SGCZ: variants seen among roughly 807,000 people sequenced by gnomAD.
SGCZ encodes zeta-sarcoglycan.
Under a neutral mutation model 41.3 loss-of-function variants are expected in SGCZ, and 40 were observed. The observed-to-expected ratio is 0.97, with a 90% CI of 0.75 to 1.26. The LOEUF is 1.26. Among genes scored for constraint, SGCZ ranks in the 50% most tolerant of loss-of-function variants. SGCZ has a pLI of 0.00. For synonymous variants in SGCZ, 206 were observed against 137.5 expected (o/e 1.50, Z -3.49); for missense variants, 552 against 369.8 (o/e 1.49, Z -4.04).
intron 1 of SGCZ, among the ~76,000 whole-genome samples, chr8:14,909,879 T>C (rs1799232550): frequency 6.6e-6 from 1 of 152,124 alleles, no homozygotes; most frequent in East Asian, 1.9e-4. Context: ...TGTAGCTATA[T>C]AGTGGAAACT....
intron 1 of SGCZ, among the ~76,000 whole-genome samples, chr8:14,823,400 C>G (rs1802180875): frequency 6.6e-6 from 1 of 151,902 alleles, no homozygotes; most frequent in Non-Finnish European, 1.5e-5. Flanking sequence ...ATAAATAATT[C>G]AATTAACAAA....
intron 1 of SGCZ, among the ~76,000 whole-genome samples, chr8:14,935,757 A>G (rs1243591207): frequency 6.6e-6 from 1 of 151,906 alleles, no homozygotes; most frequent in Non-Finnish European, 1.5e-5. Flanking sequence ...CAATAACTAT[A>G]AATTAACTGA....
At chr8:14,939,495 C>A (rs1800195658) in intron 1 of SGCZ, among the ~76,000 whole-genome samples, 1 of 152,074 alleles carries the variant, frequency 6.6e-6, no homozygotes. Flanking sequence ...ATCAGGCAGA[C>A]AACTTTTTAT....
At chr8:14,130,017 T>G (rs1158481644) in intron 5 of SGCZ, among the ~76,000 whole-genome samples, 1 of 152,112 alleles carries the variant, frequency 6.6e-6, no homozygotes, top group African/African-American at 2.4e-5. Context: ...TGATTATCAG[T>G]CAAAATAATC....
intron 1 of SGCZ, among the ~76,000 whole-genome samples, chr8:14,864,611 T>C (rs1803862994): frequency 6.6e-6 from 1 of 152,106 alleles, no homozygotes; most frequent in African/African-American, 2.4e-5. Context: ...GGTTTTTAAA[T>C]TAAAGTCAGA....
intron 1 of SGCZ, among the ~76,000 whole-genome samples, chr8:14,799,473 G>A (rs1322185936): frequency 6.6e-6 from 1 of 152,082 alleles, no homozygotes; most frequent in Non-Finnish European, 1.5e-5. Context: ...GACCTCTGGT[G>A]AAAGAAAGAT....
chr8:14,720,054 G>C (rs1809829895), intron 1 of SGCZ, among the ~76,000 whole-genome samples: 1 of 151,954 alleles, frequency 6.6e-6, no homozygotes, highest in Non-Finnish European at 1.5e-5. Context: ...AAGGGATCCA[G>C]TTTCAGCTTT....
intron 2 of SGCZ, among the ~76,000 whole-genome samples, chr8:14,447,142 T>G (rs1800455863): frequency 6.6e-6 from 1 of 152,112 alleles, no homozygotes; most frequent in Non-Finnish European, 1.5e-5. Context: ...GGCCAAACAA[T>G]TTTCAAAGCA....
intron 2 of SGCZ, among the ~76,000 whole-genome samples, chr8:14,540,596 T>C (rs978413923): frequency 1.3e-5 from 2 of 151,936 alleles, no homozygotes; most frequent in African/African-American, 4.8e-5. Flanking sequence ...TAGCTATATT[T>C]TAGTGTATGC....
chr8:14,134,700 C>A (rs151091094), intron 5 of SGCZ, among the ~76,000 whole-genome samples: 1 of 152,222 alleles, frequency 6.6e-6, no homozygotes, highest in African/African-American at 2.4e-5. Flanking sequence ...TGTTAGCTCT[C>A]AGCCTATCTG....
chr8:14,288,026 T>C (rs1160772807), intron 3 of SGCZ, among the ~76,000 whole-genome samples: 1 of 152,130 alleles, frequency 6.6e-6, no homozygotes, highest in Non-Finnish European at 1.5e-5. Context: ...TAAATTTGTA[T>C]GCCCTTTGGA....
At chr8:14,755,733 G>T (rs1345236277) in intron 1 of SGCZ, among the ~76,000 whole-genome samples, 1 of 152,090 alleles carries the variant, frequency 6.6e-6, no homozygotes, top group Non-Finnish European at 1.5e-5. Context: ...GCTGTGCTAA[G>T]TGCCCTGATT....
chr8:14,356,384 C>T (rs1803293219), intron 2 of SGCZ, among the ~76,000 whole-genome samples: 1 of 151,928 alleles, frequency 6.6e-6, no homozygotes, highest in African/African-American at 2.4e-5. Flanking sequence ...TATGACCTAC[C>T]AAAAATTCCT....
chr8:14,805,928 A>C (rs1448624226), intron 1 of SGCZ, among the ~76,000 whole-genome samples: 2 of 150,364 alleles, frequency 1.3e-5, no homozygotes, highest in Non-Finnish European at 3.0e-5. Flanking sequence ...TAAGAATCTC[A>C]CTCAAAGCCG....
chr8:14,680,114 C>G (rs1808395724), intron 1 of SGCZ, among the ~76,000 whole-genome samples: 1 of 152,020 alleles, frequency 6.6e-6, no homozygotes, highest in African/African-American at 2.4e-5. Context: ...ACTGTGAAGT[C>G]ATGCATGACT....
At chr8:14,423,668 C>T (rs921165257) in intron 2 of SGCZ, among the ~76,000 whole-genome samples, 26 of 152,184 alleles carry the variant, frequency 1.7e-4, no homozygotes, top group African/African-American at 5.8e-4. Flanking sequence ...CCTGCCTTGG[C>T]CTCCCAAAGT....
intron 1 of SGCZ, among the ~76,000 whole-genome samples, chr8:14,855,577 C>A (rs960565891): frequency 1.3e-5 from 2 of 152,146 alleles, no homozygotes; most frequent in African/African-American, 4.8e-5. Flanking sequence ...CCCTTCTAGC[C>A]ACCAAGTAGA....
chr8:14,430,903 G>A (rs566694550), intron 2 of SGCZ, among the ~76,000 whole-genome samples: 4 of 152,158 alleles, frequency 2.6e-5, no homozygotes, highest in East Asian at 1.9e-4. Context: ...CACCAACAGC[G>A]ACCAAGCTGA....
intron 1 of SGCZ, among the ~76,000 whole-genome samples, chr8:14,577,903 A>G (rs1228739159): frequency 6.6e-6 from 1 of 152,206 alleles, no homozygotes; most frequent in Non-Finnish European, 1.5e-5. Flanking sequence ...CACTTATTTA[A>G]TAAATGAGGA....
Sources: allele counts gnomAD v4.1 joint callset (sites outside exome capture counted in the v4.1 genomes callset), GRCh38; gene constraint gnomAD v4.1.1; transcripts MANE v1.5; gene names NCBI Gene and HGNC (gene_info 2026-07-23, HGNC 2026-07-21).